The following THSD7A variants were observed in gnomAD, a reference collection of about 807,000 sequenced individuals.
THSD7A encodes the protein thrombospondin type-1 domain-containing protein 7A.
THSD7A carries 96 observed loss-of-function variants against 231.3 expected under a neutral mutation model. That is an observed-to-expected ratio of 0.41 (90% CI 0.35 to 0.49). The LOEUF (loss-of-function observed/expected upper bound fraction) is 0.49. Ranked by LOEUF, THSD7A falls within the 20% of genes least tolerant of loss-of-function variation. THSD7A has a pLI of 0.05. For synonymous variants in THSD7A, 940 were observed against 743.3 expected (o/e 1.26, Z -4.30); for missense variants, 2,290 against 2,070.2 (o/e 1.11, Z -2.06).
intron 2 of THSD7A, among the ~76,000 whole-genome samples, chr7:11,619,961 G>C (rs1016208596): frequency 6.6e-6 from 1 of 152,056 alleles, no homozygotes; most frequent in Non-Finnish European, 1.5e-5. Context: ...TAACATAGAA[G>C]AAGGCTCTAG....
In THSD7A at chr7:11,637,160, A is replaced by G. The variant is rs1459261266; in HGVS notation, c.191-199T>C. Among the ~76,000 whole-genome samples the G allele has an allele frequency of 6.6e-6, 1 of 152,222 alleles. No homozygotes were observed. The highest frequency in any genetic ancestry group is 2.4e-5 in the African/African-American group (1 of 41,442). On this transcript the variant is annotated intron_variant, in intron 1 of 27. Transcript: ENST00000423059. This position sits in a 1 kb window ranked among gnomAD's most constrained non-coding sequence, Gnocchi z 4.2. Reference sequence around the variant, plus strand: ...AAAGGGGAACTGTGTCACAGAGTCTATATAAGGTAACTTCTGGGACAATTT... The same window carrying G: ...AAAGGGGAACTGTGTCACAGAGTCTGTATAAGGTAACTTCTGGGACAATTT...
At position 11,541,500 on chromosome 7, in the gene THSD7A, G is replaced by C. The variant is rs377687165; in HGVS notation, c.1741C>G (p.Leu581Val). Reference protein sequence around the residue: ...PACYDWKAVRLGNCEPDNGKE... With the variant: ...PACYDWKAVRVGNCEPDNGKE... ...CCGTTATCTGGCTCGCAGTTTCCCA[G>C]TCTCACTGCTTTCCAGTCATAACAG... Residue 581 changes from leucine to valine, a missense_variant, in exon 6 of 28, where the codon CTG becomes GTG. By Grantham distance (32) the Leu-to-Val change is conservative (BLOSUM62 1). Transcript: ENST00000423059. 4 of 1,613,910 alleles carry C rather than the reference G, an allele frequency of 2.5e-6. No homozygotes were observed. Among genetic ancestry groups the C allele is most frequent in the Non-Finnish European group, 3.4e-6 (4 of 1,179,878 alleles).
Position 11,373,067 on chromosome 7 carries a change from G to GTC in THSD7A, c.*2726_*2727insGA, listed in dbSNP as rs1276403941. Reference sequence around the variant, plus strand: ...CTCTCTCATATATATGGGTGTGTGTGTGTGTGTGTGTATATATATATATGC... The same window carrying GTC: ...CTCTCTCATATATATGGGTGTGTGTGTCTGTGTGTGTGTATATATATATATGC... On this transcript the variant is annotated 3_prime_UTR_variant, in exon 28 of 28. Coordinates refer to ENST00000423059, the MANE Select transcript of THSD7A (RefSeq NM_015204.3). 2 of 137,426 alleles carry GTC rather than the reference G, an allele frequency of 1.5e-5. No homozygotes were observed. Among genetic ancestry groups the GTC allele is most frequent in the African/African-American group, 5.5e-5 (2 of 36,108 alleles). 8.5% of individuals were successfully genotyped at this position (137,426 alleles called of 1,614,324 possible).
In THSD7A at chr7:11,542,920, A is replaced by C. The variant is rs1265130225; in HGVS notation, c.1609+42T>G. 6 of 1,581,218 alleles carry C rather than the reference A, an allele frequency of 3.8e-6. No homozygotes were observed. In the Admixed American group the frequency reaches 1.1e-4, roughly 28 times the overall value. ...TTAAAAATAATTCATGATTTGATACAATTGGTGGGTATAAAAGGCATGTCA... is the reference window on the plus strand; with the variant it reads ...TTAAAAATAATTCATGATTTGATACCATTGGTGGGTATAAAAGGCATGTCA... On this transcript the variant is annotated intron_variant, in intron 5 of 27. Transcript: ENST00000423059.
At position 11,636,849 on chromosome 7, in the gene THSD7A, C is replaced by T; in HGVS notation, c.303G>A (p.Gln101=). The T allele has an allele frequency of 6.2e-7, 1 of 1,613,954 alleles. No homozygotes were observed. Residue 101 remains glutamine, a synonymous_variant, in exon 2 of 28, where the codon CAG becomes CAA. Transcript: ENST00000423059. This position sits in a 1 kb window ranked among gnomAD's most constrained non-coding sequence, Gnocchi z 10.0. ...GWTTLHTNCK[Q]AERPNNQQNC... ...TCTGCTGGTTATTGGGTCTCTCGGC[C>T]TGCTTACAGTTAGTATGCAGTGTAG...
chr7:11,753,851 G>T (rs935942050), intron 1 of THSD7A, among the ~76,000 whole-genome samples: 1 of 151,708 alleles, frequency 6.6e-6, no homozygotes, highest in East Asian at 2.0e-4. Context: ...AAGAATTATC[G>T]TCAGTAATTT....
chr7:11,473,625 A>G (rs1458100572), intron 8 of THSD7A, among the ~76,000 whole-genome samples: 2 of 152,140 alleles, frequency 1.3e-5, no homozygotes, highest in Admixed American at 1.3e-4. Flanking sequence ...TTCTCTATGA[A>G]GTGATTAGCT....
chr7:11,558,104 G>C (rs779259262), intron 4 of THSD7A, among the ~76,000 whole-genome samples: 1 of 152,078 alleles, frequency 6.6e-6, no homozygotes. Context: ...CGTGTTGTTG[G>C]CTTCTTTAGC....
chr7:11,769,153 A>ATATTTTTTTTTTTT, intron 1 of THSD7A, among the ~76,000 whole-genome samples: 2 of 27,650 alleles, frequency 7.2e-5, no homozygotes, highest in Non-Finnish European at 7.0e-5. Context: ...ATATATATAT[A>ATATTTTTTTTTTTT]TTTTTTTTTT....
intron 23 of THSD7A, among the ~76,000 whole-genome samples, chr7:11,398,203 G>C (rs542227783): frequency 2.1e-3 from 266 of 129,206 alleles, no homozygotes; most frequent in Non-Finnish European, 3.5e-3. Flanking sequence ...ATAGTATGCA[G>C]CCATAAAAAA....
At chr7:11,389,441 T>A (rs1782894244) in intron 23 of THSD7A, among the ~76,000 whole-genome samples, 1 of 124,496 alleles carries the variant, frequency 8.0e-6, no homozygotes, top group South Asian at 3.0e-4. Context: ...TTTTTTTTTT[T>A]TTTTTTTTTT....
chr7:11,375,520 T>C lies in THSD7A; in HGVS notation c.*274A>G. The C allele has an allele frequency of 3.6e-6, 1 of 275,256 alleles. No homozygotes were observed. The highest frequency in any genetic ancestry group is 6.7e-6 in the Non-Finnish European group (1 of 148,450). 17.1% of individuals were successfully genotyped at this position (275,256 alleles called of 1,614,324 possible). On this transcript the variant is annotated 3_prime_UTR_variant, in exon 28 of 28. Coordinates refer to ENST00000423059, the MANE Select transcript of THSD7A (RefSeq NM_015204.3). Reference sequence around the variant, plus strand: ...TTTAGAGATGAAAGTGGTTTTTCAGTCGGTAGATTTCAGAAAAGATGACAT... The same window carrying C: ...TTTAGAGATGAAAGTGGTTTTTCAGCCGGTAGATTTCAGAAAAGATGACAT...
At chr7:11,481,393 T>G (rs544976775) in intron 7 of THSD7A, among the ~76,000 whole-genome samples, 26 of 152,244 alleles carry the variant, frequency 1.7e-4, no homozygotes, top group African/African-American at 6.0e-4. Context: ...TATATACTTA[T>G]TTATGAGAAG....
rs1012661780 is a variant in THSD7A at position 11,444,040 on chromosome 7, T to C, written c.3064+2021A>G. Among the ~76,000 whole-genome samples the C allele has an allele frequency of 5.3e-5, 8 of 151,786 alleles. No homozygotes were observed. Among genetic ancestry groups the C allele is most frequent in the Admixed American group, 3.3e-4 (5 of 15,214 alleles). ...ACGACATTTATGTGGCTAACAAACA[T>C]ATGAAAAAAAGCTCATCATCACTGG... On this transcript the variant is annotated intron_variant, in intron 13 of 27. Coordinates refer to ENST00000423059, the MANE Select transcript of THSD7A (RefSeq NM_015204.3). This position sits in a 1 kb window ranked among gnomAD's most constrained non-coding sequence, Gnocchi z 4.2.
chr7:11,525,726 G>GA (rs1017064550), intron 6 of THSD7A, among the ~76,000 whole-genome samples: 3 of 152,134 alleles, frequency 2.0e-5, no homozygotes, highest in South Asian at 4.2e-4. Flanking sequence ...ACAACATAAA[G>GA]AAAAAGTGTA....
chr7:11,520,401 A>G (rs1788213291), intron 6 of THSD7A, among the ~76,000 whole-genome samples: 1 of 152,198 alleles, frequency 6.6e-6, no homozygotes, highest in African/African-American at 2.4e-5. Context: ...AATAAATAGA[A>G]GCTATTACTT....
At chr7:11,628,163 C>T (rs952319941) in intron 2 of THSD7A, among the ~76,000 whole-genome samples, 1 of 152,022 alleles carries the variant, frequency 6.6e-6, no homozygotes, top group African/African-American at 2.4e-5. Flanking sequence ...GTTAAAAACC[C>T]TGTTACTAAT....
chr7:11,540,049 A>T (rs1001088589), intron 6 of THSD7A, among the ~76,000 whole-genome samples: 1 of 152,196 alleles, frequency 6.6e-6, no homozygotes, highest in Non-Finnish European at 1.5e-5. Context: ...GAAACAGAAC[A>T]TGCTTCTTTT....
At chr7:11,598,879 C>T (rs1042156715) in intron 2 of THSD7A, among the ~76,000 whole-genome samples, 8 of 152,074 alleles carry the variant, frequency 5.3e-5, no homozygotes, top group African/African-American at 1.7e-4. Context: ...GGAGACACAA[C>T]AATGATTCCA....
Sources: gnomAD v4.1 joint callset for allele counts (sites outside exome capture counted in the v4.1 genomes callset) on GRCh38, gnomAD v4.1.1 for gene constraint, Gnocchi (gnomAD v3.1) non-coding constraint, MANE v1.5 for transcripts, NCBI Gene and HGNC (gene_info 2026-07-23, HGNC 2026-07-21) for gene names.